TRHDE: variants seen among roughly 807,000 people sequenced by gnomAD.
The protein encoded by TRHDE is thyrotropin-releasing hormone-degrading ectoenzyme.
In TRHDE, 72 loss-of-function variants were observed where a neutral mutation model predicts 125.7. The ratio of observed to expected loss-of-function variants is 0.57; its 90% CI spans 0.47 to 0.70. TRHDE has a LOEUF of 0.70. TRHDE is among the 30% of genes least tolerant of loss of function. The pLI, the probability that TRHDE is intolerant of heterozygous loss-of-function variation, is 0.00. For missense variants in TRHDE, 1,110 were observed against 1,327.1 expected (o/e 0.84, Z 2.54); for synonymous variants, 509 against 509.1 (o/e 1.00, Z 0.00).
intron 2 of TRHDE, among the ~76,000 whole-genome samples, chr12:72,349,083 G>T (rs1289433444): frequency 6.6e-6 from 1 of 151,978 alleles, no homozygotes. Context: ...AATTGTAAGT[G>T]ATGTAATCCT....
intron 3 of TRHDE, among the ~76,000 whole-genome samples, chr12:72,463,096 C>T (rs1425572665): frequency 6.6e-6 from 1 of 152,212 alleles, no homozygotes; most frequent in Non-Finnish European, 1.5e-5. Context: ...AAATATCTTA[C>T]ATTCAATCAG....
intron 2 of TRHDE, among the ~76,000 whole-genome samples, chr12:72,240,325 A>C (rs868328251): frequency 1.4e-5 from 2 of 140,246 alleles, no homozygotes; most frequent in African/African-American, 5.2e-5. Context: ...ATATATATAT[A>C]TATTTGTGTG....
chr12:72,128,129 A>G (rs1875768553), intron 2 of TRHDE, among the ~76,000 whole-genome samples: 1 of 152,112 alleles, frequency 6.6e-6, no homozygotes, highest in African/African-American at 2.4e-5. Flanking sequence ...TGTTCTTACC[A>G]CCTAGTCTGA....
intron 2 of TRHDE, among the ~76,000 whole-genome samples, chr12:72,342,032 C>T (rs1870107844): frequency 6.6e-6 from 1 of 151,534 alleles, no homozygotes; most frequent in Non-Finnish European, 1.5e-5. Flanking sequence ...GCTCAGGATA[C>T]AAATATGAGT....
chr12:72,224,158 GTATGTATGTATC>G lies in TRHDE; in HGVS notation n.279+118410_279+118421del, dbSNP rs1437352008. On this transcript the variant is annotated intron_variant and non_coding_transcript_variant, in intron 2 of 4. Transcript: ENST00000548156. Reference sequence around the variant, plus strand: ...TCTATCTATTTATCTATGTATGTATGTATGTATGTATCTATCTATCTATCTATCTATCTATCT... The same window carrying G: ...TCTATCTATTTATCTATGTATGTATGTATCTATCTATCTATCTATCTATCT... Among the ~76,000 whole-genome samples, 168 of 24,656 alleles carry G rather than the reference GTATGTATGTATC, an allele frequency of 6.8e-3. 2 individuals carry two copies. Among genetic ancestry groups the G allele is most frequent in the African/African-American group, 0.017 (130 of 7,590 alleles). The allele number at this position is 24,656 out of a possible 152,430, so 16.2% of individuals were successfully genotyped here. A position where few individuals can be genotyped will look rare whatever the true frequency, so the allele number is the denominator to read the frequency against.
chr12:72,209,800 C>T (rs1054392289), intron 2 of TRHDE, among the ~76,000 whole-genome samples: 11 of 152,142 alleles, frequency 7.2e-5, no homozygotes, highest in African/African-American at 2.7e-4. Context: ...CAAATTATGG[C>T]TTACAAGAAC....
chr12:72,596,079 G>T (rs1257838420), intron 12 of TRHDE, among the ~76,000 whole-genome samples: 1 of 152,006 alleles, frequency 6.6e-6, no homozygotes, highest in East Asian at 1.9e-4. Context: ...TTGACTCTCA[G>T]TTTTCATCTT....
intron 12 of TRHDE, among the ~76,000 whole-genome samples, chr12:72,589,342 T>C (rs1871574092): frequency 6.6e-6 from 1 of 152,208 alleles, no homozygotes; most frequent in African/African-American, 2.4e-5. Context: ...ATTGCACTTT[T>C]ATTTTTTTCT....
chr12:72,205,398 A>T (rs939504508), intron 2 of TRHDE, among the ~76,000 whole-genome samples: 6 of 151,128 alleles, frequency 4.0e-5, no homozygotes, highest in African/African-American at 1.5e-4. Context: ...TTATTCTTTT[A>T]AAGTTTTTAA....
intron 2 of TRHDE, among the ~76,000 whole-genome samples, chr12:72,297,435 G>C (rs1880342734): frequency 6.6e-6 from 1 of 152,146 alleles, no homozygotes; most frequent in Admixed American, 6.5e-5. Flanking sequence ...TGGATGAAGG[G>C]AACTGAGGAT....
At chr12:72,101,177 G>A (rs1875057560) in intron 1 of TRHDE, among the ~76,000 whole-genome samples, 2 of 152,056 alleles carry the variant, frequency 1.3e-5, no homozygotes, top group Non-Finnish European at 2.9e-5. Context: ...ACTGACCTGG[G>A]GAATTTTGCA....
intron 2 of TRHDE, among the ~76,000 whole-genome samples, chr12:72,174,444 T>C (rs1592469974): frequency 1.3e-5 from 2 of 152,228 alleles, no homozygotes; most frequent in African/African-American, 4.8e-5. Context: ...GTCTAATCCA[T>C]ATTCAAAATT....
At position 72,583,521 on chromosome 12, in the gene TRHDE, A is replaced by G. The variant is rs561270733; in HGVS notation, c.2321+7979A>G. Among the ~76,000 whole-genome samples, 8 of 152,300 alleles carry G rather than the reference A, an allele frequency of 5.3e-5. No homozygotes were observed. The South Asian group carries it at 1.7e-3, about 32-fold the overall frequency. On this transcript the variant is annotated intron_variant, in intron 12 of 18. Coordinates refer to ENST00000261180, the MANE Select transcript of TRHDE (RefSeq NM_013381.3). ...CCTGTTTTATACCTTTCTGCATGCA[A>G]TTATTTAAAAATTCATATCCAAAAC...
intron 2 of TRHDE, among the ~76,000 whole-genome samples, chr12:72,347,575 G>T (rs922503747): frequency 3.3e-5 from 5 of 152,118 alleles, no homozygotes; most frequent in Non-Finnish European, 7.4e-5. Flanking sequence ...TTCACCATTG[G>T]GGGTGGGGCC....
intron 3 of TRHDE, among the ~76,000 whole-genome samples, chr12:72,463,205 C>T (rs1402368368): frequency 2.0e-5 from 3 of 152,184 alleles, no homozygotes; most frequent in Non-Finnish European, 4.4e-5. Context: ...GGATTGGCTG[C>T]TGAGGTGATG....
At chr12:72,461,453 T>C (rs1876120860) in intron 3 of TRHDE, among the ~76,000 whole-genome samples, 1 of 152,216 alleles carries the variant, frequency 6.6e-6, no homozygotes, top group African/African-American at 2.4e-5. Flanking sequence ...GGGTTACTTC[T>C]ATAAATTTTA....
chr12:72,467,091 T>A (rs183899741), intron 3 of TRHDE, among the ~76,000 whole-genome samples: 14 of 152,344 alleles, frequency 9.2e-5, no homozygotes, highest in Admixed American at 9.1e-4. Flanking sequence ...TTACCTTTTT[T>A]TATTATTATA....
At chr12:72,464,443 G>C (rs114245814) in intron 3 of TRHDE, among the ~76,000 whole-genome samples, 1 of 152,196 alleles carries the variant, frequency 6.6e-6, no homozygotes, top group South Asian at 2.1e-4. Flanking sequence ...TGCATTCTCC[G>C]GAGGGGATGA....
chr12:72,517,076 G>T (rs1397693752), intron 6 of TRHDE, among the ~76,000 whole-genome samples: 3 of 150,832 alleles, frequency 2.0e-5, no homozygotes, highest in African/African-American at 7.4e-5. Context: ...TGGCATCAAT[G>T]TTCATCAAGG....
Sources: gnomAD v4.1 joint callset for allele counts (sites outside exome capture counted in the v4.1 genomes callset) on GRCh38, gnomAD v4.1.1 for gene constraint, MANE v1.5 for transcripts, NCBI Gene and HGNC (gene_info 2026-07-23, HGNC 2026-07-21) for gene names.